The following TUBB3 variants were observed in gnomAD, a reference collection of about 807,000 sequenced individuals.
TUBB3 encodes tubulin beta 3 class III, also known as tubulin beta-3 chain.
Under a neutral mutation model 37.8 loss-of-function variants are expected in TUBB3, and 17 were observed. The ratio of observed to expected loss-of-function variants is 0.45; its 90% CI spans 0.31 to 0.67. The LOEUF (loss-of-function observed/expected upper bound fraction) is 0.67, where lower values mean the gene tolerates loss of function less well. Among genes scored for constraint, TUBB3 ranks in the 30% least tolerant of loss-of-function variants. The pLI is 0.07. For synonymous variants in TUBB3, 332 were observed against 278.9 expected (o/e 1.19, Z -1.90); for missense variants, 262 against 657.9 (o/e 0.40, Z 6.58).
rs779199751 is a variant in TUBB3 at position 89,935,663 on chromosome 16, C to T, written c.1212C>T (p.Asp404=). The T allele has an allele frequency of 1.8e-5, 29 of 1,613,650 alleles. No homozygotes were observed. The highest frequency in any genetic ancestry group is 7.7e-5 in the South Asian group (7 of 91,078). The change falls in exon 4 of 4, where the codon GAC becomes GAT. Residue 404 remains aspartate (D), a synonymous_variant. Coordinates refer to ENST00000315491, the MANE Select transcript of TUBB3 (RefSeq NM_006086.4). ...ACTGGTACACGGGCGAGGGCATGGA[C>T]GAGATGGAGTTCACCGAGGCCGAGA... is the stretch of plus-strand genomic sequence containing the variant. ...FLHWYTGEGM[D]EMEFTEAESN... is the part of the protein sequence containing the mutation.
In TUBB3 at chr16:89,931,783, C is replaced by T. The variant is rs1005112821; in HGVS notation, c.58-788C>T. 4 of 327,242 alleles carry T rather than the reference C, an allele frequency of 1.2e-5. 1 individual carries two copies. Among genetic ancestry groups the T allele is most frequent in the Non-Finnish European group, 2.6e-5 (4 of 154,092 alleles). The allele number at this position is 327,242 out of a possible 1,614,324, so 20.3% of individuals were successfully genotyped here. On this transcript the variant is annotated intron_variant, in intron 1 of 3. Transcript: ENST00000315491. ...AACCCAGCAGGCCCAGCCCCTGAGT[C>T]TAGGCTCCGCTCGGCAGCTGTCATG... is the stretch of plus-strand genomic sequence containing the variant.
intron 1 of TUBB3, among the ~76,000 whole-genome samples, chr16:89,930,120 T>C (rs895451843): frequency 7.3e-5 from 11 of 150,950 alleles, no homozygotes. Context: ...TTCCTTCCTT[T>C]CTTTCTGACA....
At chr16:89,930,510 G>A (rs372020663) in intron 1 of TUBB3, among the ~76,000 whole-genome samples, 7 of 151,550 alleles carry the variant, frequency 4.6e-5, no homozygotes, top group East Asian at 3.9e-4. Context: ...TGCAACCTCC[G>A]TCTCCTGGGT....
At position 89,935,812 on chromosome 16, in the gene TUBB3, C is replaced by G. The variant is rs750387888; in HGVS notation, c.*8C>G. On this transcript the variant is annotated 3_prime_UTR_variant, in exon 4 of 4. Transcript: ENST00000315491. ...GCCCAGGGCCCCAAGTGAAGCTGCT[C>G]GCAGCTGGAGTGAGAGGCAGGTGGC... 1.9e-6 allele frequency: 3 copies of G among 1,611,360 alleles called. No individual in the cohort carries two copies. Among genetic ancestry groups the G allele is most frequent in the Non-Finnish European group, 2.5e-6 (3 of 1,178,662 alleles).
chr16:89,931,891 G>A, intron 1 of TUBB3: 1 of 400,314 alleles, frequency 2.5e-6, no homozygotes, highest in Non-Finnish European at 5.1e-6. Context: ...GACGACCCCT[G>A]GGAGCTGAGA....
intron 1 of TUBB3, among the ~76,000 whole-genome samples, chr16:89,928,652 G>A (rs1327183319): frequency 6.6e-6 from 1 of 151,794 alleles, no homozygotes; most frequent in Non-Finnish European, 1.5e-5. Context: ...AGCCTCCCAA[G>A]TAGCTGGGAC....
At chr16:89,932,445 G>A (rs1423082796) in intron 1 of TUBB3, 126 bp from the exon 2 acceptor site, 2 of 741,124 alleles carry the variant, frequency 2.7e-6, no homozygotes, top group East Asian at 2.7e-5. Context: ...CTTCTGAATG[G>A]GGCTCGTGGA....
upstream of TUBB3, chr16:89,922,478 T>G (rs2029914829): frequency 6.6e-6 from 1 of 152,546 alleles, no homozygotes; most frequent in South Asian, 2.1e-4. Flanking sequence ...GCATCTCCAG[T>G]CGCTCCCCCG....
chr16:89,931,699 G>A (rs1211512285), intron 1 of TUBB3: 2 of 199,872 alleles, frequency 1.0e-5, no homozygotes, highest in South Asian at 7.6e-5. Context: ...ACTGAGACAC[G>A]GAATCCTAGT....
chr16:89,923,574 G>C, intron 1 of TUBB3, 116 bp downstream of exon 1: 1 of 1,018,462 alleles, frequency 9.8e-7, no homozygotes, highest in Non-Finnish European at 1.3e-6. Context: ...ACAAAGGGAT[G>C]CGCCCAGCGC....
chr16:89,934,394 G>T, intron 3 of TUBB3: 1 of 525,954 alleles, frequency 1.9e-6, no homozygotes, highest in South Asian at 1.5e-5. Flanking sequence ...TGGGGTGGCT[G>T]TTTGGGCTCC....
chr16:89,923,498 G>C, intron 1 of TUBB3, 40 bp downstream of exon 1: 1 of 1,391,998 alleles, frequency 7.2e-7, no homozygotes, highest in Non-Finnish European at 9.4e-7. Flanking sequence ...GCCCCGGGGC[G>C]GGAGGAGGGA....
intron 2 of TUBB3, 98 bp from the exon 3 acceptor site, chr16:89,933,370 G>A: frequency 9.9e-7 from 1 of 1,006,162 alleles, no homozygotes; most frequent in Non-Finnish European, 1.6e-6. Flanking sequence ...CTTAGGATGT[G>A]AGCAGGAGGA....
chr16:89,928,961 CTTTT>C (rs35314343), intron 1 of TUBB3, among the ~76,000 whole-genome samples: 3 of 135,936 alleles, frequency 2.2e-5, no homozygotes, highest in African/African-American at 8.1e-5. Flanking sequence ...CGCGCCCGGC[CTTTT>C]TTTTTTTTTT....
At chr16:89,933,194 T>C in intron 2 of TUBB3, 1 of 665,356 alleles carries the variant, frequency 1.5e-6, no homozygotes, top group Non-Finnish European at 2.8e-6. Context: ...TCCCAAAGTG[T>C]TGGGAGTGCA....
Position 89,935,517 on chromosome 16 carries a change from A to T in TUBB3, c.1066A>T (p.Ile356Phe). ...PNNVKVAVCDIPPRGLKMSST... is the reference protein window; with the variant it reads ...PNNVKVAVCDFPPRGLKMSST... ...CAACGTGAAGGTGGCCGTGTGTGACATCCCGCCCCGCGGCCTCAAGATGTC... is the reference window on the plus strand; with the variant it reads ...CAACGTGAAGGTGGCCGTGTGTGACTTCCCGCCCCGCGGCCTCAAGATGTC... Residue 356 changes from isoleucine to phenylalanine, a missense_variant, in exon 4 of 4, where the codon ATC becomes TTC. By Grantham distance (21) the Ile-to-Phe change is conservative. Coordinates refer to ENST00000315491, the MANE Select transcript of TUBB3 (RefSeq NM_006086.4). The T allele has an allele frequency of 6.2e-7, 1 of 1,614,192 alleles. No individual in the cohort carries two copies. The highest frequency in any genetic ancestry group is 1.1e-5 in the South Asian group (1 of 91,090).
intron 1 of TUBB3, among the ~76,000 whole-genome samples, chr16:89,930,959 C>G (rs961397198): frequency 1.3e-5 from 2 of 152,058 alleles, no homozygotes; most frequent in African/African-American, 4.8e-5. Context: ...TCCCGAGTAG[C>G]TGGGACTACA....
intron 1 of TUBB3, chr16:89,931,860 G>A: frequency 2.4e-6 from 1 of 418,694 alleles, no homozygotes. Flanking sequence ...GGAGAGAGGT[G>A]GAGGTGGCAG....
chr16:89,930,058 T>C (rs868830600), intron 1 of TUBB3, among the ~76,000 whole-genome samples: 9 of 85,858 alleles, frequency 1.0e-4, no homozygotes, highest in African/African-American at 3.7e-4. Flanking sequence ...CTTCCTTCCT[T>C]CCTCTCTCTC....
Sources: gnomAD v4.1 joint callset for allele counts (sites outside exome capture counted in the v4.1 genomes callset) on GRCh38, gnomAD v4.1.1 for gene constraint, MANE v1.5 for transcripts, NCBI Gene and HGNC (gene_info 2026-07-23, HGNC 2026-07-21) for gene names.